Variants in FRMD3 observed in about 807,000 individuals in gnomAD.
FRMD3 encodes the protein FERM domain-containing protein 3.
A neutral mutation model predicts 70.2 loss-of-function variants in FRMD3; 33 were observed. The observed-to-expected ratio is 0.47, with a 90% CI of 0.36 to 0.63. The LOEUF (loss-of-function observed/expected upper bound fraction) is 0.63, where lower values mean the gene tolerates loss of function less well. FRMD3 is among the 20% of genes least tolerant of loss of function. FRMD3 has a pLI of 0.00. For missense variants in FRMD3, 632 were observed against 711.4 expected, an observed-to-expected ratio of 0.89 and a Z score of 1.27; for synonymous variants, 279 against 255.9, an observed-to-expected ratio of 1.09 and a Z score of -0.86.
At chr9:83,273,025 C>A (rs1320645205) in intron 13 of FRMD3, among the ~76,000 whole-genome samples, 1 of 139,280 alleles carries the variant, frequency 7.2e-6, no homozygotes, top group Non-Finnish European at 1.6e-5. Flanking sequence ...CAGCCCCCAC[C>A]CAGCCAGCTG....
intron 1 of FRMD3, among the ~76,000 whole-genome samples, chr9:83,421,654 A>T (rs1477467979): frequency 6.6e-6 from 1 of 152,104 alleles, no homozygotes; most frequent in East Asian, 1.9e-4. Context: ...CCTTATAATA[A>T]CTGATGGCAG....
intron 2 of FRMD3, among the ~76,000 whole-genome samples, chr9:83,382,881 A>G (rs2131282655): frequency 6.6e-6 from 1 of 152,154 alleles, no homozygotes; most frequent in South Asian, 2.1e-4. Context: ...CTATATTGTC[A>G]TCTATACACT....
chr9:83,378,565 A>C (rs13291034), intron 2 of FRMD3, among the ~76,000 whole-genome samples: 2 of 119,700 alleles, frequency 1.7e-5, no homozygotes, highest in East Asian at 2.1e-4. Context: ...TATATATATA[A>C]AATATACATA....
At chr9:83,333,779 A>G (rs969751774) in intron 6 of FRMD3, among the ~76,000 whole-genome samples, 2 of 152,158 alleles carry the variant, frequency 1.3e-5, no homozygotes, top group Non-Finnish European at 2.9e-5. Flanking sequence ...GAGCATGGGC[A>G]TACCTTGAGC....
chr9:83,544,501 C>T, the FRMD3 span, among the ~76,000 whole-genome samples: 20 of 152,258 alleles, frequency 1.3e-4, no homozygotes, highest in East Asian at 3.9e-3. Context: ...TGTGACAACA[C>T]AGAGCTTCTC....
upstream of FRMD3, among the ~76,000 whole-genome samples, chr9:83,541,250 G>T (rs1468310061): frequency 6.6e-6 from 1 of 151,844 alleles, no homozygotes; most frequent in East Asian, 1.9e-4. Context: ...AGAATTGCAA[G>T]ATTCTGCTAA....
At chr9:83,329,971 C>T (rs1286511150) in intron 6 of FRMD3, among the ~76,000 whole-genome samples, 1 of 152,120 alleles carries the variant, frequency 6.6e-6, no homozygotes, top group Non-Finnish European at 1.5e-5. Context: ...GATCTTAAAC[C>T]CCTTCCGAGC....
At chr9:83,514,933 C>T (rs767543828) in intron 1 of FRMD3, among the ~76,000 whole-genome samples, 6 of 152,128 alleles carry the variant, frequency 3.9e-5, no homozygotes, top group Non-Finnish European at 7.4e-5. Flanking sequence ...AACAAAAAGG[C>T]TGACCACGCA....
chr9:83,575,205 G>C, the FRMD3 span, among the ~76,000 whole-genome samples: 1 of 151,964 alleles, frequency 6.6e-6, no homozygotes, highest in East Asian at 1.9e-4. Flanking sequence ...AGAACTTAAG[G>C]GAAAAAAAAG....
At chr9:83,584,917 A>C in the FRMD3 span, among the ~76,000 whole-genome samples, 30 of 152,370 alleles carry the variant, frequency 2.0e-4, no homozygotes, top group African/African-American at 6.5e-4. Flanking sequence ...AATTAAGTAA[A>C]TAAAGCCTCA....
chr9:83,584,728 G>T, the FRMD3 span, among the ~76,000 whole-genome samples: 1 of 152,114 alleles, frequency 6.6e-6, no homozygotes, highest in African/African-American at 2.4e-5. Context: ...CTCCTCTCAG[G>T]GAATAAGGCA....
intron 1 of FRMD3, among the ~76,000 whole-genome samples, chr9:83,533,840 T>C (rs186613173): frequency 6.6e-6 from 1 of 152,332 alleles, no homozygotes; most frequent in Admixed American, 6.5e-5. Context: ...CAAATACAAA[T>C]ACAAATTTTC....
chr9:83,377,533 T>C (rs1338623999), intron 2 of FRMD3, among the ~76,000 whole-genome samples: 1 of 152,176 alleles, frequency 6.6e-6, no homozygotes, highest in Non-Finnish European at 1.5e-5. Context: ...AGATTTCTCA[T>C]TAATGGTTTA....
At position 83,286,566 on chromosome 9, in the gene FRMD3, A is replaced by T. The variant is rs958140818; in HGVS notation, c.1195+4037T>A. On this transcript the variant is annotated intron_variant, in intron 13 of 13. Transcript: ENST00000304195. ...AGGCTAGTCTCGAACTCCTGACCTC[A>T]GGTGATCCACCCGCCTCAGCCTCTG... Among the ~76,000 whole-genome samples the T allele has an allele frequency of 9.2e-5, 14 of 152,314 alleles. No individual in the cohort carries two copies. In the East Asian group the frequency reaches 2.3e-3, roughly 25 times the overall value.
intron 2 of FRMD3, among the ~76,000 whole-genome samples, chr9:83,387,013 G>C (rs1193773584): frequency 2.0e-5 from 3 of 151,936 alleles, no homozygotes; most frequent in African/African-American, 7.3e-5. Flanking sequence ...TGTTAATCTT[G>C]GTATCTTGGT....
chr9:83,364,307 C>G (rs550970558), intron 3 of FRMD3, among the ~76,000 whole-genome samples: 73 of 152,256 alleles, frequency 4.8e-4, no homozygotes, highest in Middle Eastern at 3.4e-3. Flanking sequence ...GCCTGTAATC[C>G]CAGCACTCTG....
At chr9:83,388,098 A>C (rs1316828742) in intron 2 of FRMD3, among the ~76,000 whole-genome samples, 1 of 152,210 alleles carries the variant, frequency 6.6e-6, no homozygotes, top group Non-Finnish European at 1.5e-5. Flanking sequence ...ACAGGAAACC[A>C]AAATCCTTCT....
chr9:83,266,278 T>C, intron 13 of FRMD3, among the ~76,000 whole-genome samples: 1 of 152,204 alleles, frequency 6.6e-6, no homozygotes, highest in East Asian at 1.9e-4. Flanking sequence ...TATACAAATA[T>C]AATCAATTTC....
intron 10 of FRMD3, among the ~76,000 whole-genome samples, chr9:83,308,005 A>G (rs946639625): frequency 1.6e-4 from 24 of 152,166 alleles, no homozygotes; most frequent in African/African-American, 5.6e-4. Context: ...CAGGAGGCAC[A>G]CAAAGACCTT....
Sources: allele counts gnomAD v4.1 joint callset (sites outside exome capture counted in the v4.1 genomes callset), GRCh38; gene constraint gnomAD v4.1.1; transcripts MANE v1.5; gene names NCBI Gene and HGNC (gene_info 2026-07-23, HGNC 2026-07-21).